MUC4: variants seen among roughly 807,000 people sequenced by gnomAD.
The protein encoded by MUC4 is mucin 4, cell surface associated, also known as mucin-4.
MUC4 carries 202 observed loss-of-function variants against 257.9 expected under a neutral mutation model. The ratio of observed to expected loss-of-function variants is 0.78; its 90% CI spans 0.70 to 0.88. MUC4 has a LOEUF of 0.88. Ranked by LOEUF, MUC4 falls within the 40% of genes least tolerant of loss-of-function variation. The pLI, the probability that MUC4 is intolerant of heterozygous loss-of-function variation, is 0.00. For missense variants in MUC4, 5,976 were observed against 6,513.7 expected (o/e 0.92, Z 2.84); for synonymous variants, 2,351 against 2,757.1 (o/e 0.85, Z 4.62).
chr3:195,803,529 T>G (rs1057294659), intron 1 of MUC4, among the ~76,000 whole-genome samples: 1 of 152,142 alleles, frequency 6.6e-6, no homozygotes, highest in African/African-American at 2.4e-5. Flanking sequence ...ACCAGGGAGG[T>G]GGGGCTTCTT....
chr3:195,767,453 C>A (rs910616392), intron 7 of MUC4, among the ~76,000 whole-genome samples: 1 of 145,426 alleles, frequency 6.9e-6, no homozygotes, highest in African/African-American at 2.6e-5. Context: ...ACCACCACCA[C>A]CACCAACACT....
In MUC4 at chr3:195,778,464, G is replaced by A. The variant is rs181741089; in HGVS notation, c.12791-9C>T. The stretch of plus-strand genomic sequence containing the variant: ...TGACGGTGTTGTCATTCCTGGACAC[G>A]TGAAAAGACAAGGCGGGGTGTTTCT... On this transcript the variant is annotated splice_polypyrimidine_tract_variant and intron_variant, in intron 2 of 24. Coordinates refer to ENST00000463781, the MANE Select transcript of MUC4 (RefSeq NM_018406.7). The A allele has an allele frequency of 3.3e-5, 53 of 1,611,034 alleles. No homozygotes were observed. The highest frequency in any genetic ancestry group is 4.3e-5 in the Non-Finnish European group (51 of 1,179,316).
At chr3:195,811,272 C>T (rs1312573760) in intron 1 of MUC4, among the ~76,000 whole-genome samples, 1 of 151,980 alleles carries the variant, frequency 6.6e-6, no homozygotes, top group Non-Finnish European at 1.5e-5. Context: ...CTCCCAGGTT[C>T]AAGTGATTCT....
intron 1 of MUC4, among the ~76,000 whole-genome samples, chr3:195,799,160 C>T (rs1447617852): frequency 6.6e-6 from 1 of 152,104 alleles, no homozygotes; most frequent in Non-Finnish European, 1.5e-5. Context: ...CTGCTCCCTG[C>T]TCGCAATTTC....
chr3:195,808,364 C>G (rs181573179), intron 1 of MUC4, among the ~76,000 whole-genome samples: 1 of 152,118 alleles, frequency 6.6e-6, no homozygotes, highest in Non-Finnish European at 1.5e-5. Flanking sequence ...TACAGGCGCT[C>G]GCCACCACGC....
In MUC4 at chr3:195,785,114, C is replaced by T. The variant is rs759274404; in HGVS notation, c.6466G>A (p.Gly2156Ser). The T allele has an allele frequency of 1.1e-5, 16 of 1,451,420 alleles. No homozygotes were observed. The highest frequency in any genetic ancestry group is 1.0e-4 in the African/African-American group (7 of 67,256). 89.9% of individuals were successfully genotyped at this position (1,451,420 alleles called of 1,614,324 possible). A position where few individuals can be genotyped will look rare whatever the true frequency, so the allele number is the denominator to read the frequency against. ...GTGACAGGAAGAGAGGTGGCGTGAC[C>T]TGTGGATACTGAGGAAGTTTCGGTG... ...PVTETSSVST[G>S]HATSLPVTDT... Residue 2156 changes from glycine to serine, a missense_variant, in exon 2 of 25, where the codon GGT (glycine) becomes AGT (serine). This residue lies in a region of MUC4 where 85 missense variants were observed against 325.0 expected (regional missense o/e 0.26). Transcript: ENST00000463781.
At chr3:195,749,332 A>G (rs1218700524) in intron 23 of MUC4, among the ~76,000 whole-genome samples, 1 of 144,410 alleles carries the variant, frequency 6.9e-6, no homozygotes, top group African/African-American at 2.9e-5. Context: ...GTTCCTAGGG[A>G]AAAAGGTTCC....
At chr3:195,793,680 G>A (rs1734172985) in intron 1 of MUC4, among the ~76,000 whole-genome samples, 1 of 152,118 alleles carries the variant, frequency 6.6e-6, no homozygotes, top group Non-Finnish European at 1.5e-5. Context: ...GGAAGGTGAG[G>A]TTAGACTAGA....
chr3:195,762,636 GCAC>G (rs1719377679), intron 13 of MUC4, among the ~76,000 whole-genome samples: 13 of 136,330 alleles, frequency 9.5e-5, no homozygotes, highest in Non-Finnish European at 1.6e-4. Context: ...GCACCGCCAC[GCAC>G]CGGGCCCTGC....
rs1716829567 is a variant in MUC4, at chr3:195,753,223, C to T, written c.15336G>A (p.Gly5112=). Residue 5112 remains glycine, a synonymous_variant, in exon 20 of 25, where the codon GGG becomes GGA. Coordinates refer to ENST00000463781, the MANE Select transcript of MUC4 (RefSeq NM_018406.7). ...TGDGRHCAAL[G]SSFLCQNQSC... ...ACTGGTTCTGACACAGGAAAGAGCT[C>T]CCCAGAGCTGCAGAGTGAGTAGGGA... 6.2e-7 allele frequency: 1 copy of T among 1,613,760 alleles called. No homozygotes were observed. The highest frequency in any genetic ancestry group is 1.7e-5 in the Admixed American group (1 of 59,984).
intron 19 of MUC4, chr3:195,753,566 A>G (rs1716905630): frequency 2.5e-6 from 1 of 404,324 alleles, no homozygotes; most frequent in African/African-American, 2.1e-5. Flanking sequence ...TTCTGCCTTT[A>G]TAAAAGCTGC....
At chr3:195,754,431 G>C in intron 18 of MUC4, 59 bp from the exon 19 acceptor site, 1 of 1,553,090 alleles carries the variant, frequency 6.4e-7, no homozygotes, top group Non-Finnish European at 8.7e-7. Flanking sequence ...GGGCTTCTGG[G>C]TGTTTCTGAC....
rs780881386 is a variant in MUC4 at position 195,778,444 on chromosome 3, G to T, written c.12802C>A (p.Pro4268Thr). The T allele has an allele frequency of 1.9e-6, 3 of 1,612,874 alleles. No individual in the cohort carries two copies. The highest frequency in any genetic ancestry group is 2.7e-5 in the African/African-American group (2 of 75,006). ...CTCCCACCGTCTGTCTTCAGTGACGGTGTTGTCATTCCTGGACACGTGAAA... is the reference window on the plus strand; with the variant it reads ...CTCCCACCGTCTGTCTTCAGTGACGTTGTTGTCATTCCTGGACACGTGAAA... ...LKMETPGMTTPSLKTDGGRRT... is the reference protein window; with the variant it reads ...LKMETPGMTTTSLKTDGGRRT... The change falls in exon 3 of 25, where the codon CCG becomes ACG. Residue 4268 changes from proline (P) to threonine (T), a missense_variant. Coordinates refer to ENST00000463781, the MANE Select transcript of MUC4 (RefSeq NM_018406.7).
rs1718287810 is a variant in MUC4, at chr3:195,759,256, A to G, written c.14854T>C (p.Tyr4952His). The change falls in exon 17 of 25, where the codon TAC becomes CAC. Residue 4952 changes from tyrosine (Y) to histidine (H), a missense_variant. Tyr to His is a moderately conservative substitution (Grantham distance 83). Around this residue, in one of 44 missense-constraint regions of MUC4, gnomAD observed 996 missense variants for 1,137.3 expected, o/e 0.88. Transcript: ENST00000463781. ...YEQANATLNQ[Y>H]PPSINGGRVI... is the part of the protein sequence containing the mutation. ...CGACCACCATTGATGGAGGGCGGGT[A>G]CTGATCTGAAACACAAAGAGGGAAT... 6.2e-7 allele frequency: 1 copy of G among 1,613,876 alleles called. No individual in the cohort carries two copies. The highest frequency in any genetic ancestry group is 8.5e-7 in the Non-Finnish European group (1 of 1,179,970).
At chr3:195,758,738 T>G in intron 17 of MUC4, among the ~76,000 whole-genome samples, 1 of 151,078 alleles carries the variant, frequency 6.6e-6, no homozygotes, top group East Asian at 2.0e-4. Flanking sequence ...TTTTTTTTTT[T>G]TTTTGTATTT....
chr3:195,778,617 G>C (rs894493178), intron 2 of MUC4, among the ~76,000 whole-genome samples, 162 bp from the exon 3 acceptor site: 1 of 152,124 alleles, frequency 6.6e-6, no homozygotes, highest in Admixed American at 6.5e-5. Flanking sequence ...TTTCGATTGC[G>C]GCACAAAGGA....
In MUC4 at chr3:195,787,485, A is replaced by G. The variant is rs1367761659; in HGVS notation, c.4095T>C (p.Asp1365=). 317 of 554,476 alleles carry G rather than the reference A, an allele frequency of 5.7e-4. 10 individuals carry two copies. The African/African-American group carries it at 0.014, about 25-fold the overall frequency. 34.3% of individuals were successfully genotyped at this position (554,476 alleles called of 1,614,324 possible). ...CCTGACCTGTGGATGCTGAGGAAGC[A>G]TCAGTGACATGAAGAGGGGTGGTGT... ...TGHTTPLHVT[D]ASSASTGQAT... is the part of the protein sequence containing the mutation. The change falls in exon 2 of 25, where the codon GAT becomes GAC. Residue 1365 remains aspartate, a synonymous_variant. Coordinates refer to ENST00000463781, the MANE Select transcript of MUC4 (RefSeq NM_018406.7).
rs546902616 is a variant in MUC4 at position 195,784,651 on chromosome 3, G to A, written c.6929C>T (p.Ala2310Val). The A allele has an allele frequency of 3.7e-6, 5 of 1,362,820 alleles. No homozygotes were observed. The Admixed American group carries it at 1.1e-4, about 30-fold the overall frequency. 84.4% of individuals were successfully genotyped at this position (1,362,820 alleles called of 1,614,324 possible). Residue 2310 changes from alanine to valine, a missense_variant, in exon 2 of 25, where the codon GCT becomes GTT. Physicochemically the swap from Ala to Val is moderately conservative, Grantham distance 64 (BLOSUM62 0). Around this residue, in one of 44 missense-constraint regions of MUC4, gnomAD observed 62 missense variants for 74.0 expected, o/e 0.84. Transcript: ENST00000463781. ...GGCGTGACCTGTGGATGCTGAGGAA[G>A]CGTCGGTGACATGAAGAGGGGTGGC... Reference protein sequence around the residue: ...GHATPLHVTDASSASTGHATP... With the variant: ...GHATPLHVTDVSSASTGHATP...
At chr3:195,761,258 A>G (rs1718833341) in intron 15 of MUC4, 141 bp from the exon 16 acceptor site, 2 of 798,686 alleles carry the variant, frequency 2.5e-6, no homozygotes, top group Non-Finnish European at 4.1e-6. Context: ...TTCTGAGTCT[A>G]GAAACACCTG....
Sources: gnomAD v4.1 joint callset for allele counts (sites outside exome capture counted in the v4.1 genomes callset) on GRCh38, gnomAD v4.1.1 for gene constraint, gnomAD v4.1.1 regional missense constraint, MANE v1.5 for transcripts, NCBI Gene and HGNC (gene_info 2026-07-23, HGNC 2026-07-21) for gene names.